TOP1MT: variants seen among roughly 807,000 people sequenced by gnomAD.
TOP1MT encodes DNA topoisomerase I, mitochondrial.
Under a neutral mutation model 73.9 loss-of-function variants are expected in TOP1MT, and 80 were observed. The observed-to-expected ratio is 1.08, with a 90% CI of 0.90 to 1.30. The LOEUF is 1.30. Among genes scored for constraint, TOP1MT ranks in the 50% most tolerant of loss-of-function variants. TOP1MT has a pLI of 0.00. For synonymous variants in TOP1MT, 338 were observed against 326.4 expected (o/e 1.04, Z -0.38); for missense variants, 815 against 808.0 (o/e 1.01, Z -0.10).
intron 7 of TOP1MT, among the ~76,000 whole-genome samples, chr8:143,323,271 CCACACACGCACGCCA>C: frequency 1.2e-5 from 1 of 80,624 alleles, no homozygotes; most frequent in Non-Finnish European, 2.4e-5. Flanking sequence ...CACATGCACG[CCACACACGCACGCCA>C]CACACGCACG....
At chr8:143,318,777 A>G (rs905868676) in intron 8 of TOP1MT, among the ~76,000 whole-genome samples, 5 of 151,938 alleles carry the variant, frequency 3.3e-5, no homozygotes, top group Admixed American at 1.3e-4. Context: ...GCCTGGCACC[A>G]TGGCTGATGA....
chr8:143,343,106 A>G (rs941695451), intron 2 of TOP1MT: 6 of 443,540 alleles, frequency 1.4e-5, no homozygotes, highest in African/African-American at 1.2e-4. Context: ...ATCAGACACT[A>G]AGTTCATTTG....
At chr8:143,342,923 G>A (rs985191294) in intron 2 of TOP1MT, among the ~76,000 whole-genome samples, 21 of 151,730 alleles carry the variant, frequency 1.4e-4, no homozygotes, top group Non-Finnish European at 2.1e-4. Flanking sequence ...CACCACACCC[G>A]GCTAATTTTG....
intron 3 of TOP1MT, 149 bp from the exon 4 acceptor site, chr8:143,326,493 C>A: frequency 9.7e-7 from 1 of 1,026,152 alleles, no homozygotes; most frequent in Non-Finnish European, 1.4e-6. Context: ...GGTCCTGCGG[C>A]CCCGTAAATA....
intron 7 of TOP1MT, among the ~76,000 whole-genome samples, chr8:143,321,925 ATG>A (rs1816419322): frequency 1.1e-4 from 4 of 36,986 alleles, no homozygotes; most frequent in East Asian, 1.0e-3. Flanking sequence ...CGCCACACAC[ATG>A]CACGCCACAC....
upstream of TOP1MT, among the ~76,000 whole-genome samples, chr8:143,347,725 CAGCCAGCG>C (rs1817252108): frequency 1.7e-5 from 2 of 119,038 alleles, no homozygotes; most frequent in Admixed American, 1.8e-4. Context: ...GCCAGCCAGC[CAGCCAGCG>C]GGGAAGAGTT....
At chr8:143,359,894 G>A (rs1208090226), upstream of TOP1MT, 2 of 152,400 alleles carry the variant, frequency 1.3e-5, no homozygotes, top group African/African-American at 4.8e-5. Context: ...AGCTCTTCCA[G>A]GACCCACGCG....
rs979155859 is a variant in TOP1MT at position 143,317,763 on chromosome 8, G to A, written c.1290C>T (p.Ala430=). The part of the protein sequence containing the change: ...LTAKVFRTYN[A]SITLQEQLRA... ...GCAGCTGCTCCTGCAGAGTGATGGA[G>A]GCGTTGTAGGTCCGGAACACCTTGG... The change falls in exon 10 of 14, where the codon GCC becomes GCT. Residue 430 remains alanine (A), a synonymous_variant. Transcript: ENST00000329245. 4.3e-6 allele frequency: 7 copies of A among 1,614,024 alleles called. No homozygotes were observed. The Admixed American group carries it at 1.0e-4, about 23-fold the overall frequency.
upstream of TOP1MT, among the ~76,000 whole-genome samples, chr8:143,345,287 G>A (rs368294403): frequency 8.5e-5 from 13 of 152,226 alleles, no homozygotes; most frequent in Admixed American, 1.3e-4. Context: ...ACTGGCAGCC[G>A]AGGTCACCCC....
In TOP1MT at chr8:143,342,666, C is replaced by A. The variant is rs1336991531; in HGVS notation, c.29+554G>T. ...CTATTATTATTATTATTATTAGAGA[C>A]AGTCTCGCTCTATTATTATTATTAT... is the stretch of plus-strand genomic sequence containing the variant. On this transcript the variant is annotated intron_variant, in intron 2 of 5. Coordinates refer to the TOP1MT transcript ENST00000518007. 4.6e-4 allele frequency among the ~76,000 whole-genome samples: 7 copies of A among 15,342 alleles called. 3 individuals carry two copies. The highest frequency in any genetic ancestry group is 1.4e-3 in the Admixed American group (2 of 1,416). The allele number at this position is 15,342 out of a possible 152,430, so 10.1% of individuals were successfully genotyped here.
intron 1 of TOP1MT, chr8:143,332,487 C>T: frequency 7.8e-7 from 1 of 1,289,206 alleles, no homozygotes. Flanking sequence ...ACACCCCCAC[C>T]TGCCAGAGCC....
At chr8:143,340,847 G>T (rs1817066121) in intron 2 of TOP1MT, among the ~76,000 whole-genome samples, 1 of 152,086 alleles carries the variant, frequency 6.6e-6, no homozygotes, top group African/African-American at 2.4e-5. Flanking sequence ...TTCTTTCTTG[G>T]TTTTTCCCAC....
chr8:143,351,586 AAAAAAAG>A (rs1817321744), intron 1 of TOP1MT, among the ~76,000 whole-genome samples: 4 of 152,060 alleles, frequency 2.6e-5, no homozygotes, highest in Non-Finnish European at 5.9e-5. Flanking sequence ...TCTCAAAAAA[AAAAAAAG>A]AAAAAAAGAA....
At chr8:143,310,016 C>T (rs1815963310) in intron 13 of TOP1MT, 52 bp downstream of exon 13, 6 of 1,600,772 alleles carry the variant, frequency 3.7e-6, no homozygotes, top group African/African-American at 1.3e-5. Flanking sequence ...TCCTGGAAAA[C>T]CCAGGCCCCC....
At position 143,325,336 on chromosome 8, in the gene TOP1MT, G is replaced by A. The variant is rs777470270; in HGVS notation, c.671+10C>T. 29 of 1,578,312 alleles carry A rather than the reference G, an allele frequency of 1.8e-5. No homozygotes were observed. Among genetic ancestry groups the A allele is most frequent in the Middle Eastern group, 1.7e-4 (1 of 5,918 alleles). On this transcript the variant is annotated intron_variant, in intron 5 of 13. Coordinates refer to ENST00000329245, the MANE Select transcript of TOP1MT (RefSeq NM_052963.3). ...TCCAGTGCCCGCCTGCTGCCCGCCC[G>A]GCCACGCACCTGCTGCAGTTGATAA...
chr8:143,329,389 C>T lies in TOP1MT; in HGVS notation c.321G>A (p.Lys107=). The T allele has an allele frequency of 6.2e-7, 1 of 1,609,238 alleles. No homozygotes were observed. Among genetic ancestry groups the T allele is most frequent in the Non-Finnish European group, 8.5e-7 (1 of 1,178,772 alleles). The change falls in exon 3 of 14, where the codon AAG becomes AAA. Residue 107 remains lysine, a synonymous_variant. Coordinates refer to ENST00000329245, the MANE Select transcript of TOP1MT (RefSeq NM_052963.3). Reference sequence around the variant, plus strand: ...TGAAGAAGTTCTTCCGGAAAACCTCCTTTGTTGTGTATTCATGATCTAACA... The same window carrying T: ...TGAAGAAGTTCTTCCGGAAAACCTCTTTTGTTGTGTATTCATGATCTAACA... The part of the protein sequence containing the change: ...GRMLDHEYTT[K]EVFRKNFFND...
At chr8:143,326,146 T>C in intron 4 of TOP1MT, 76 bp downstream of exon 4, 2 of 1,561,354 alleles carry the variant, frequency 1.3e-6, no homozygotes, top group Non-Finnish European at 1.7e-6. Context: ...CACAGGCCTT[T>C]CTCAGTCTTT....
chr8:143,332,696 G>C, intron 1 of TOP1MT: 1 of 608,436 alleles, frequency 1.6e-6, no homozygotes, highest in Non-Finnish European at 2.6e-6. Context: ...AAGACGTAGA[G>C]ACGGAGCTGA....
chr8:143,329,350 C>CT lies in TOP1MT; in HGVS notation c.359dup (p.Glu121GlyfsTer17). ...TGTGGCGGCCGCCCAGGGTACCTACCTTTCGCCAGTCATTGAAGAAGTTCT... is the reference window on the plus strand; with the variant it reads ...TGTGGCGGCCGCCCAGGGTACCTACCTTTTCGCCAGTCATTGAAGAAGTTCT... On this transcript the variant is annotated frameshift_variant and splice_region_variant, in exon 3 of 14. Coordinates refer to ENST00000329245, the MANE Select transcript of TOP1MT (RefSeq NM_052963.3). LOFTEE classifies it high-confidence loss of function. 1 of 1,604,748 alleles carries CT rather than the reference C, an allele frequency of 6.2e-7. No homozygotes were observed. The highest frequency in any genetic ancestry group is 1.1e-5 in the South Asian group (1 of 89,636).
Sources: allele counts gnomAD v4.1 joint callset (sites outside exome capture counted in the v4.1 genomes callset), GRCh38; gene constraint gnomAD v4.1.1; transcripts MANE v1.5; gene names NCBI Gene and HGNC (gene_info 2026-07-23, HGNC 2026-07-21).